Variants in LRRC4C observed in about 807,000 individuals in gnomAD.
LRRC4C encodes the protein leucine rich repeat containing 4C.
A neutral mutation model predicts 33.6 loss-of-function variants in LRRC4C; 5 were observed. The ratio of observed to expected loss-of-function variants is 0.15; its 90% CI spans 0.08 to 0.31. The LOEUF is 0.31. LRRC4C is among the 10% of genes least tolerant of loss of function. LRRC4C has a pLI of 1.00. For synonymous variants in LRRC4C, 329 were observed against 302.0 expected, an observed-to-expected ratio of 1.09 and a Z score of -0.93; for missense variants, 560 against 796.7, an observed-to-expected ratio of 0.70 and a Z score of 3.58.
rs113386788 is a variant in LRRC4C at position 40,485,360 on chromosome 11, G to A, written c.-270+162782C>T. The stretch of plus-strand genomic sequence containing the variant: ...ATAATTTAGCTTCTCTCTCACATGC[G>A]CGCTCTCTCTCTCTCCCTCCCTCTT... On this transcript the variant is annotated intron_variant, in intron 3 of 6. Transcript: ENST00000528697. 1.2e-3 allele frequency among the ~76,000 whole-genome samples: 185 copies of A among 151,594 alleles called. 1 individual carries two copies. Among genetic ancestry groups the A allele is most frequent in the African/African-American group, 1.4e-3 (60 of 41,392 alleles).
At chr11:40,867,083 T>G (rs2135905688) in intron 2 of LRRC4C, among the ~76,000 whole-genome samples, 1 of 152,316 alleles carries the variant, frequency 6.6e-6, no homozygotes, top group Admixed American at 6.5e-5. Flanking sequence ...ATTCTATCCT[T>G]TTCCTTTCAA....
At chr11:40,477,164 G>T (rs993538732) in intron 3 of LRRC4C, among the ~76,000 whole-genome samples, 1 of 152,184 alleles carries the variant, frequency 6.6e-6, no homozygotes, top group Non-Finnish European at 1.5e-5. Flanking sequence ...GGAGACATTT[G>T]AGCTGGGTGC....
chr11:40,674,483 G>C (rs1301041929), intron 2 of LRRC4C, among the ~76,000 whole-genome samples: 2 of 152,162 alleles, frequency 1.3e-5, no homozygotes, highest in Non-Finnish European at 2.9e-5. Flanking sequence ...AATCAGAATG[G>C]ATGTTGACAG....
At chr11:40,736,727 C>T (rs1021636829) in intron 2 of LRRC4C, among the ~76,000 whole-genome samples, 8 of 152,116 alleles carry the variant, frequency 5.3e-5, no homozygotes, top group Admixed American at 3.3e-4. Context: ...GAGATAGTAT[C>T]TCATTGTGTT....
chr11:41,268,508 C>A lies in LRRC4C; in HGVS notation c.-496+190923G>T, dbSNP rs192363132. Among the ~76,000 whole-genome samples the A allele has an allele frequency of 2.1e-3, 324 of 152,198 alleles. 3 individuals carry two copies. Among genetic ancestry groups the A allele is most frequent in the African/African-American group, 7.4e-3 (309 of 41,556 alleles). ...AATGCTATCATGCTTACTTAGCAAC[C>A]AGACTCTTCATCTTGAAAACTATTT... On this transcript the variant is annotated intron_variant, in intron 1 of 6. Transcript: ENST00000528697.
chr11:40,413,579 T>C (rs578191517), intron 3 of LRRC4C, among the ~76,000 whole-genome samples: 1 of 152,262 alleles, frequency 6.6e-6, no homozygotes, highest in South Asian at 2.1e-4. Context: ...CTTCATATAT[T>C]CTACCTTCAT....
intron 3 of LRRC4C, among the ~76,000 whole-genome samples, chr11:40,598,536 A>G (rs1269724442): frequency 6.6e-6 from 1 of 152,168 alleles, no homozygotes; most frequent in East Asian, 1.9e-4. Context: ...AAAAAGTCGC[A>G]ATAAGCTGTC....
chr11:40,792,276 AT>A (rs976970802), intron 2 of LRRC4C, among the ~76,000 whole-genome samples: 1 of 152,172 alleles, frequency 6.6e-6, no homozygotes, highest in African/African-American at 2.4e-5. Context: ...AACAAAATCA[AT>A]ATTTTCTTTA....
chr11:40,969,705 T>C (rs1851592926), intron 1 of LRRC4C, among the ~76,000 whole-genome samples: 1 of 152,182 alleles, frequency 6.6e-6, no homozygotes, highest in Admixed American at 6.5e-5. Flanking sequence ...CACTATTTAT[T>C]AGACAATGCA....
intron 4 of LRRC4C, among the ~76,000 whole-genome samples, chr11:40,267,552 C>T (rs894627923): frequency 1.3e-5 from 2 of 152,010 alleles, no homozygotes; most frequent in Admixed American, 1.3e-4. Flanking sequence ...GGGGTTTCAC[C>T]GTGTTAGCCA....
At chr11:40,777,681 T>A (rs931038405) in intron 2 of LRRC4C, among the ~76,000 whole-genome samples, 1 of 150,980 alleles carries the variant, frequency 6.6e-6, no homozygotes, top group African/African-American at 2.5e-5. Flanking sequence ...GGATCTTGAT[T>A]TTTTATTTTT....
At chr11:40,610,554 G>A (rs1961107969) in intron 3 of LRRC4C, among the ~76,000 whole-genome samples, 1 of 142,808 alleles carries the variant, frequency 7.0e-6, no homozygotes, top group Non-Finnish European at 1.6e-5. Context: ...GTAACAAAAA[G>A]CGTTCAAATA....
intron 1 of LRRC4C, among the ~76,000 whole-genome samples, chr11:40,998,684 G>A (rs1413113430): frequency 6.6e-6 from 1 of 152,056 alleles, no homozygotes; most frequent in Non-Finnish European, 1.5e-5. Context: ...TCAGCTTTCT[G>A]TATCATCTTT....
Position 41,010,776 on chromosome 11 carries a change from A to T in LRRC4C, c.-495-77053T>A, listed in dbSNP as rs563925338. On this transcript the variant is annotated intron_variant, in intron 1 of 6. Coordinates refer to ENST00000528697, the MANE Select transcript of LRRC4C (RefSeq NM_001258419.2). ...AGGACTTTCCTGCCCCATTGCTATC[A>T]GCACATGGCTATGTCTGTGGCTGCT... Among the ~76,000 whole-genome samples the T allele has an allele frequency of 1.3e-4, 20 of 152,316 alleles. No homozygotes were observed. In the South Asian group the frequency reaches 4.1e-3, roughly 32 times the overall value.
intron 3 of LRRC4C, among the ~76,000 whole-genome samples, chr11:40,352,411 T>A (rs138186461): frequency 6.2e-4 from 94 of 152,106 alleles, no homozygotes; most frequent in African/African-American, 2.2e-3. Context: ...TTCATCCCAC[T>A]CCGCTTTTAA....
At chr11:40,232,250 C>G (rs768010144) in intron 5 of LRRC4C, among the ~76,000 whole-genome samples, 7 of 152,202 alleles carry the variant, frequency 4.6e-5, no homozygotes, top group Non-Finnish European at 1.0e-4. Context: ...AGGTGATCCA[C>G]CCACTTTGGC....
chr11:41,224,889 C>T (rs544620495), intron 1 of LRRC4C, among the ~76,000 whole-genome samples: 1 of 152,064 alleles, frequency 6.6e-6, no homozygotes, highest in African/African-American at 2.4e-5. Flanking sequence ...TGTCCATCAA[C>T]AGATGAATAG....
intron 1 of LRRC4C, among the ~76,000 whole-genome samples, chr11:41,005,487 C>G (rs1854679798): frequency 6.6e-6 from 1 of 152,198 alleles, no homozygotes; most frequent in Middle Eastern, 3.4e-3. Flanking sequence ...GCCTGTAATC[C>G]CAGCTGCTCG....
At chr11:40,792,815 G>T (rs1451073534) in intron 2 of LRRC4C, among the ~76,000 whole-genome samples, 9 of 151,992 alleles carry the variant, frequency 5.9e-5, no homozygotes, top group Non-Finnish European at 7.4e-5. Flanking sequence ...CCATAAAAAA[G>T]GATGAGTTCA....
Sources: gnomAD v4.1 joint callset for allele counts (sites outside exome capture counted in the v4.1 genomes callset) on GRCh38, gnomAD v4.1.1 for gene constraint, MANE v1.5 for transcripts, NCBI Gene and HGNC (gene_info 2026-07-23, HGNC 2026-07-21) for gene names.